SLC9A6: variants seen among roughly 807,000 people sequenced by gnomAD.
SLC9A6 encodes sodium/hydrogen exchanger 6.
SLC9A6 carries 6 observed loss-of-function variants against 45.3 expected under a neutral mutation model. That is an observed-to-expected ratio of 0.13 (90% confidence interval 0.07 to 0.26). SLC9A6 has a LOEUF of 0.26. Ranked by LOEUF, SLC9A6 falls within the 10% of genes least tolerant of loss-of-function variation. The probability of loss-of-function intolerance (pLI) is 1.00; values close to 1 mark genes in which losing one functional copy is unlikely to be tolerated. For missense variants in SLC9A6, 278 were observed against 503.7 expected (o/e 0.55, Z 4.29); for synonymous variants, 191 against 187.7 (o/e 1.02, Z -0.14).
upstream of SLC9A6, among the ~76,000 whole-genome samples, chrX:135,984,149 T>TA (rs1198188293): frequency 2.7e-5 from 3 of 111,162 alleles, no homozygotes; most frequent in African/African-American, 9.9e-5. Context: ...AGCTTGGAGT[T>TA]GCCTGAGTAT....
chrX:136,009,987 A>G (rs1443094514), intron 7 of SLC9A6: 1 of 119,988 alleles, frequency 8.3e-6, no homozygotes, highest in African/African-American at 3.2e-5. Flanking sequence ...TTTTTCTCAT[A>G]GGAAAAACAA....
rs782730570 is a variant in SLC9A6, at chrX:136,011,538, G to A, written c.885+955G>A. ...ATTACAGGCATGAGCCACCGTGCCC[G>A]GCCTAAAAACATGTTTTAAACCCCC... On this transcript the variant is annotated intron_variant, in intron 8 of 17. Coordinates refer to ENST00000630721, the MANE Select transcript of SLC9A6 (RefSeq NM_001379110.1). Among the ~76,000 whole-genome samples the A allele has an allele frequency of 1.4e-4, 16 of 110,602 alleles. No individual in the cohort carries two copies. In the South Asian group the frequency reaches 2.8e-3, roughly 19 times the overall value.
Position 136,016,767 on chromosome X carries a change from T to C in SLC9A6, c.1194+9T>C. 1.1e-6 allele frequency: 1 copy of C among 950,552 alleles called. No individual in the cohort carries two copies. Among genetic ancestry groups the C allele is most frequent in the Non-Finnish European group, 1.5e-6 (1 of 662,511 alleles). 78.3% of individuals were successfully genotyped at this position (950,552 alleles called of 1,213,427 possible). A position where few individuals can be genotyped will look rare whatever the true frequency, so the allele number is the denominator to read the frequency against. Reference sequence around the variant, plus strand: ...TTGTAGTAGGAGCATTTGTATCCTTTATTATGTGTTTTATTTTGAAAATAT... The same window carrying C: ...TTGTAGTAGGAGCATTTGTATCCTTCATTATGTGTTTTATTTTGAAAATAT... On this transcript the variant is annotated intron_variant, in intron 11 of 17. Coordinates refer to ENST00000630721, the MANE Select transcript of SLC9A6 (RefSeq NM_001379110.1).
chrX:135,974,513 C>T, upstream of SLC9A6: 1 of 129,295 alleles, frequency 7.7e-6, no homozygotes, highest in Non-Finnish European at 1.7e-5. Flanking sequence ...GAGGTGGGGC[C>T]GAGGGGCGGG....
In SLC9A6 at chrX:135,998,185, G is replaced by A; in HGVS notation, c.447G>A (p.Arg149=). The change falls in exon 4 of 18, where the codon AGG becomes AGA. Residue 149 remains arginine, a splice_region_variant and synonymous_variant. Coordinates refer to ENST00000630721, the MANE Select transcript of SLC9A6 (RefSeq NM_001379110.1). ...IIFYAGYSLK[R]RHFFRNLGSI... ...TTTATGCAGGTTATAGCCTGAAAAG[G>A]GTAAGTCCTTTTGTCTTTCATATAC... is the stretch of plus-strand genomic sequence containing the variant. The A allele has an allele frequency of 9.3e-7, 1 of 1,070,843 alleles. No individual in the cohort carries two copies. The highest frequency in any genetic ancestry group is 1.3e-6 in the Non-Finnish European group (1 of 767,799). The allele number at this position is 1,070,843 out of a possible 1,213,427, so 88.2% of individuals were successfully genotyped here. A position where few individuals can be genotyped will look rare whatever the true frequency, so the allele number is the denominator to read the frequency against.
At chrX:135,981,506 T>C, upstream of SLC9A6, among the ~76,000 whole-genome samples, 3 of 110,381 alleles carry the variant, frequency 2.7e-5, no homozygotes, top group South Asian at 1.2e-3. Flanking sequence ...CCTGGAAAAT[T>C]TGGTGATCTT....
At chrX:136,010,124 A>G in intron 7 of SLC9A6, 1 of 289,595 alleles carries the variant, frequency 3.5e-6, no homozygotes, top group Non-Finnish European at 6.1e-6. Context: ...AGTACTAGTA[A>G]TTCTGAAACA....
intron 11 of SLC9A6, among the ~76,000 whole-genome samples, chrX:136,018,656 G>A: frequency 8.9e-6 from 1 of 112,057 alleles, no homozygotes; most frequent in East Asian, 2.8e-4. Flanking sequence ...AATGATCAGA[G>A]TGGGATAGTT....
chrX:136,024,468 C>T lies in SLC9A6; in HGVS notation c.1445C>T (p.Ser482Leu). Residue 482 changes from serine to leucine, a missense_variant, in exon 13 of 18, where the codon TCA becomes TTA. Physicochemically the swap from Ser to Leu is moderately radical, Grantham distance 145. This residue lies in a region of SLC9A6 where 15 missense variants were observed against 58.1 expected (regional missense o/e 0.26). Transcript: ENST00000630721. ...GGTGGTGGCACCACTGCAATGCTGT[C>T]ATGCTTGCATATCAGGTAAGTACTA... Reference protein sequence around the residue: ...VFGGGTTAMLSCLHIRYCARL... With the variant: ...VFGGGTTAMLLCLHIRYCARL... 1 of 1,208,881 alleles carries T rather than the reference C, an allele frequency of 8.3e-7. No individual in the cohort carries two copies. Among genetic ancestry groups the T allele is most frequent in the Non-Finnish European group, 1.1e-6 (1 of 893,202 alleles).
chrX:136,015,878 C>T (rs1384546746), intron 10 of SLC9A6, among the ~76,000 whole-genome samples: 1 of 105,511 alleles, frequency 9.5e-6, no homozygotes, highest in Non-Finnish European at 1.9e-5. Flanking sequence ...TGTTATGTGT[C>T]AGAGGGCTCA....
At chrX:136,006,755 T>C (rs1403976814) in intron 7 of SLC9A6, among the ~76,000 whole-genome samples, 2 of 111,369 alleles carry the variant, frequency 1.8e-5, no homozygotes, top group Non-Finnish European at 3.8e-5. Context: ...TTTATATTTT[T>C]ATGAAAGAAG....
chrX:136,033,507 AG>A lies in SLC9A6; in HGVS notation c.1661+17del. ...CTTTGATCATAAGTATCCTTAATTG[AG>A]GGAAAAAAAAAAAGGATAATGTGGA... is the stretch of plus-strand genomic sequence containing the variant. On this transcript the variant is annotated intron_variant, in intron 16 of 17. Transcript: ENST00000630721. 9.9e-7 allele frequency: 1 copy of A among 1,006,732 alleles called. No homozygotes were observed. The highest frequency in any genetic ancestry group is 1.4e-6 in the Non-Finnish European group (1 of 719,700). The allele number at this position is 1,006,732 out of a possible 1,213,427, so 83.0% of individuals were successfully genotyped here.
chrX:135,994,103 A>G (rs1207598982), intron 2 of SLC9A6, among the ~76,000 whole-genome samples: 3 of 107,847 alleles, frequency 2.8e-5, no homozygotes, highest in Non-Finnish European at 5.8e-5. Flanking sequence ...TGAAAAACAA[A>G]TTTCTTTTTT....
Position 136,040,271 on chromosome X carries a change from TG to T in SLC9A6, c.1767+91del, listed in dbSNP as rs781818095. On this transcript the variant is annotated intron_variant, in intron 17 of 17. Coordinates refer to ENST00000630721, the MANE Select transcript of SLC9A6 (RefSeq NM_001379110.1). ...TCACTGGTTTTATTTTATTTTGGTT[TG>T]TTTTTTTGCCTTTGAGGTATAAATT... 1.5e-5 allele frequency: 11 copies of T among 713,835 alleles called. No individual in the cohort carries two copies. In the African/African-American group the frequency reaches 1.7e-4, roughly 11 times the overall value. 58.8% of individuals were successfully genotyped at this position (713,835 alleles called of 1,213,427 possible). A position where few individuals can be genotyped will look rare whatever the true frequency, so the allele number is the denominator to read the frequency against.
intron 2 of SLC9A6, among the ~76,000 whole-genome samples, chrX:135,993,906 C>T (rs782609642): frequency 9.0e-6 from 1 of 111,483 alleles, no homozygotes; most frequent in South Asian, 3.8e-4. Flanking sequence ...ACTTCTATTC[C>T]ATGTTTTGAT....
chrX:136,030,472 C>T (rs2071302070), intron 15 of SLC9A6: 4 of 291,224 alleles, frequency 1.4e-5, no homozygotes, highest in South Asian at 1.1e-4. Flanking sequence ...TCCTCTGGCA[C>T]GGGGAGGCTT....
upstream of SLC9A6, among the ~76,000 whole-genome samples, chrX:135,981,856 G>C (rs2148126292): frequency 9.0e-6 from 1 of 111,019 alleles, no homozygotes; most frequent in East Asian, 2.8e-4. Context: ...CTAAAGAAGA[G>C]GTCAGCATAT....
intron 3 of SLC9A6, 108 bp from the exon 4 acceptor site, chrX:135,998,000 C>T (rs1223852929): frequency 6.0e-6 from 3 of 503,512 alleles, no homozygotes; most frequent in Non-Finnish European, 1.1e-5. Flanking sequence ...CAGTAATGTT[C>T]TTGCCTTTGA....
upstream of SLC9A6, among the ~76,000 whole-genome samples, chrX:135,982,634 C>T (rs1274922500): frequency 5.4e-5 from 6 of 110,871 alleles, no homozygotes; most frequent in Admixed American, 9.6e-5. Flanking sequence ...CCACCATGCC[C>T]GGCTAATTTC....
Sources: allele counts gnomAD v4.1 joint callset (sites outside exome capture counted in the v4.1 genomes callset), GRCh38; gene constraint gnomAD v4.1.1; regional missense constraint gnomAD v4.1.1; transcripts MANE v1.5; gene names NCBI Gene and HGNC (gene_info 2026-07-23, HGNC 2026-07-21).